Variants in FRY observed in about 807,000 individuals in gnomAD.
The protein encoded by FRY is protein furry homolog.
A neutral mutation model predicts 348.4 loss-of-function variants in FRY; 128 were observed. The ratio of observed to expected loss-of-function variants is 0.37; its 90% CI spans 0.32 to 0.43. The LOEUF is 0.43. Ranked by LOEUF, FRY falls within the 20% of genes least tolerant of loss-of-function variation. The pLI is 1.00. For synonymous variants in FRY, 1,370 were observed against 1,374.7 expected (o/e 1.00, Z 0.08); for missense variants, 2,736 against 3,695.2 (o/e 0.74, Z 6.73).
At chr13:32,205,024 G>A (rs986038850) in intron 31 of FRY, among the ~76,000 whole-genome samples, 9 of 152,170 alleles carry the variant, frequency 5.9e-5, no homozygotes, top group East Asian at 3.9e-4. Flanking sequence ...CCAACATGGC[G>A]AAACCCTGTC....
At chr13:32,198,086 C>T (rs550370637) in intron 29 of FRY, among the ~76,000 whole-genome samples, 1 of 152,230 alleles carries the variant, frequency 6.6e-6, no homozygotes, top group South Asian at 2.1e-4. Flanking sequence ...GTTTCCTCCT[C>T]TGGGTTTCTT....
rs145194752 is a variant in FRY, at chr13:32,156,537, G to T, written c.1652-736G>T. Among the ~76,000 whole-genome samples, 318 of 150,344 alleles carry T rather than the reference G, an allele frequency of 2.1e-3. 4 individuals are homozygous for T. The East Asian group carries it at 0.033, about 16-fold the overall frequency. Reference sequence around the variant, plus strand: ...AATCACTTGAACCCAGGAGACGGAGGTTGCAGTCAGCCAAGATCGCACCAT... The same window carrying T: ...AATCACTTGAACCCAGGAGACGGAGTTTGCAGTCAGCCAAGATCGCACCAT... On this transcript the variant is annotated intron_variant, in intron 15 of 60. Coordinates refer to ENST00000542859, the MANE Select transcript of FRY (RefSeq NM_023037.3).
chr13:32,094,055 A>G (rs1876515711), intron 2 of FRY, among the ~76,000 whole-genome samples: 1 of 152,122 alleles, frequency 6.6e-6, no homozygotes. Context: ...TTAAATACCC[A>G]TTGTGTATTC....
chr13:32,188,893 A>G (rs1426174279), intron 28 of FRY, among the ~76,000 whole-genome samples: 1 of 152,134 alleles, frequency 6.6e-6, no homozygotes, highest in Non-Finnish European at 1.5e-5. Context: ...CATTTGCTAA[A>G]GTTTAATTTT....
chr13:32,152,961 C>T (rs1400696820), intron 14 of FRY, among the ~76,000 whole-genome samples: 1 of 152,002 alleles, frequency 6.6e-6, no homozygotes, highest in Non-Finnish European at 1.5e-5. Context: ...AGCATCTTCA[C>T]CAAAGAAGAG....
chr13:32,115,024 G>C (rs953779466), intron 3 of FRY, among the ~76,000 whole-genome samples: 10 of 152,110 alleles, frequency 6.6e-5, no homozygotes, highest in African/African-American at 2.4e-4. Flanking sequence ...GAATGCAATA[G>C]CCTATTTATT....
rs1889528298 is a variant in FRY, at chr13:32,294,443, CCT to C, written c.8661_8662del (p.Tyr2888PhefsTer14). On this transcript the variant is annotated frameshift_variant, in exon 60 of 61. Transcript: ENST00000542859. LOFTEE classifies it high-confidence loss of function. ...KEASAVIAADPLYSDGAWSEP... is the reference protein window; with the variant it reads ...KEASAVIAADXLYSDGAWSEP... The stretch of plus-strand genomic sequence containing the variant: ...AGCCAGTGCAGTCATTGCAGCTGAC[CCT>C]CTCTATTCAGACGGCGCGTGGTCCG... The C allele has an allele frequency of 6.2e-7, 1 of 1,613,816 alleles. No individual in the cohort carries two copies. Among genetic ancestry groups the C allele is most frequent in the Non-Finnish European group, 8.5e-7 (1 of 1,179,842 alleles).
rs567066512 is a variant in FRY at position 32,073,491 on chromosome 13, T to C, written c.71-5343T>C. 2.6e-5 allele frequency among the ~76,000 whole-genome samples: 4 copies of C among 152,312 alleles called. No individual in the cohort carries two copies. In the South Asian group the frequency reaches 8.3e-4, roughly 32 times the overall value. ...CTTACTCTGTTTAATTTTTCCTTGTTCTTTTAGAATTTATTGTAGTCTGAC... is the reference window on the plus strand; with the variant it reads ...CTTACTCTGTTTAATTTTTCCTTGTCCTTTTAGAATTTATTGTAGTCTGAC... On this transcript the variant is annotated intron_variant, in intron 1 of 60. Coordinates refer to ENST00000542859, the MANE Select transcript of FRY (RefSeq NM_023037.3).
chr13:32,076,886 G>A (rs1330468556), intron 1 of FRY, among the ~76,000 whole-genome samples: 2 of 152,154 alleles, frequency 1.3e-5, no homozygotes, highest in Non-Finnish European at 2.9e-5. Context: ...ACTTTACTTA[G>A]CAGCAGTCTA....
intron 11 of FRY, among the ~76,000 whole-genome samples, chr13:32,143,776 T>C (rs570762710): frequency 1.3e-5 from 2 of 152,214 alleles, no homozygotes; most frequent in Non-Finnish European, 2.9e-5. Flanking sequence ...CCTTGTTTGC[T>C]GCTTGATGGC....
chr13:32,248,478 C>T (rs1182802647), intron 48 of FRY, among the ~76,000 whole-genome samples: 1 of 151,766 alleles, frequency 6.6e-6, no homozygotes, highest in African/African-American at 2.4e-5. Flanking sequence ...ACATGTCTAC[C>T]TGTGTAAGAA....
chr13:32,106,621 A>C (rs922063159), intron 3 of FRY, among the ~76,000 whole-genome samples: 4 of 152,232 alleles, frequency 2.6e-5, no homozygotes, highest in African/African-American at 4.8e-5. Flanking sequence ...AAAACAAAAA[A>C]CAAAACTTTC....
At chr13:32,084,116 C>T (rs1171534063) in intron 2 of FRY, among the ~76,000 whole-genome samples, 3 of 152,112 alleles carry the variant, frequency 2.0e-5, no homozygotes, top group Non-Finnish European at 4.4e-5. Context: ...GCCCATCGTC[C>T]TGCCTGTGTC....
chr13:32,065,448 G>T (rs1874196085), intron 1 of FRY, among the ~76,000 whole-genome samples: 1 of 151,832 alleles, frequency 6.6e-6, no homozygotes, highest in East Asian at 1.9e-4. Flanking sequence ...TGGGATTACA[G>T]GTGCCCACCA....
rs777451055 is a variant in FRY, at chr13:32,124,862, T to A, written c.703T>A (p.Leu235Met). ...ADLYAEVIGVLAQAKFPAVKK... is the reference protein window; with the variant it reads ...ADLYAEVIGVMAQAKFPAVKK... ...CCTGTATGCAGAAGTCATTGGAGTG[T>A]TGGCACAAGCCAAGTAAGTGAATGC... Residue 235 changes from leucine to methionine, a missense_variant, in exon 7 of 61, where the codon TTG becomes ATG. Leu to Met is a conservative substitution (Grantham distance 15, BLOSUM62 2). Transcript: ENST00000542859. 2.5e-6 allele frequency: 4 copies of A among 1,611,524 alleles called. No individual in the cohort carries two copies. In the Admixed American group the frequency reaches 6.7e-5, roughly 27 times the overall value.
chr13:32,104,327 T>C (rs1259890511), intron 3 of FRY, among the ~76,000 whole-genome samples: 1 of 152,214 alleles, frequency 6.6e-6, no homozygotes, highest in Non-Finnish European at 1.5e-5. Flanking sequence ...GTGTTGTCCA[T>C]GGATCTGTGT....
intron 44 of FRY, among the ~76,000 whole-genome samples, chr13:32,238,430 T>C (rs1457468413): frequency 1.5e-5 from 2 of 133,802 alleles, no homozygotes; most frequent in East Asian, 2.1e-4. Flanking sequence ...TTTTCATTTA[T>C]GTCTTTTTGT....
chr13:32,253,725 T>G (rs2138516543), intron 50 of FRY, among the ~76,000 whole-genome samples: 1 of 152,362 alleles, frequency 6.6e-6, no homozygotes, highest in South Asian at 2.1e-4. Context: ...AATTTTTGGC[T>G]TCTGTTTTTT....
chr13:32,189,266 T>C (rs551200862), intron 28 of FRY, among the ~76,000 whole-genome samples: 1 of 152,156 alleles, frequency 6.6e-6, no homozygotes, highest in African/African-American at 2.4e-5. Context: ...CTTCTCCTTC[T>C]TAGTGCCTCA....
Sources: allele counts gnomAD v4.1 joint callset (sites outside exome capture counted in the v4.1 genomes callset), GRCh38; gene constraint gnomAD v4.1.1; transcripts MANE v1.5; gene names NCBI Gene and HGNC (gene_info 2026-07-23, HGNC 2026-07-21).